The following METAP1D variants were observed in gnomAD, a reference collection of about 807,000 sequenced individuals.
METAP1D encodes the protein methionine aminopeptidase 1D, mitochondrial.
Under a neutral mutation model 40.5 loss-of-function variants are expected in METAP1D, and 31 were observed. The ratio of observed to expected loss-of-function variants is 0.77; its 90% CI spans 0.58 to 1.03. The LOEUF is 1.03. METAP1D is among the 50% of genes least tolerant of loss of function. The pLI is 0.00. For missense variants in METAP1D, 411 were observed against 420.7 expected, an observed-to-expected ratio of 0.98 and a Z score of 0.20; for synonymous variants, 151 against 146.4, an observed-to-expected ratio of 1.03 and a Z score of -0.22.
chr2:172,058,523 T>C (rs1318311356), intron 1 of METAP1D, among the ~76,000 whole-genome samples: 1 of 149,424 alleles, frequency 6.7e-6, no homozygotes, highest in Non-Finnish European at 1.5e-5. Flanking sequence ...CTTTACACAA[T>C]ACATACCTGC....
intron 1 of METAP1D, among the ~76,000 whole-genome samples, chr2:172,017,730 TATC>T (rs1688910512): frequency 6.6e-6 from 1 of 152,190 alleles, no homozygotes; most frequent in Non-Finnish European, 1.5e-5. Context: ...GCTGTCATCA[TATC>T]AGAGGTGATA....
intron 5 of METAP1D, among the ~76,000 whole-genome samples, chr2:172,067,590 T>G (rs780066732): frequency 4.7e-4 from 72 of 152,208 alleles, no homozygotes; most frequent in Non-Finnish European, 7.9e-4. Flanking sequence ...TATTTTGGAT[T>G]GTACCTGATT....
chr2:172,041,895 C>T (rs112892047), intron 1 of METAP1D, among the ~76,000 whole-genome samples: 68,157 of 113,292 alleles, frequency 0.6, 24,950 homozygotes, highest in African/African-American at 0.64. Flanking sequence ...CCGCCTCCCA[C>T]ATTCAAGCAA....
chr2:172,070,944 C>T lies in METAP1D; in HGVS notation c.578C>T (p.Thr193Ile), dbSNP rs764275249. Residue 193 changes from threonine to isoleucine, a missense_variant, in exon 6 of 10, where the codon ACA (threonine) becomes ATA (isoleucine). Thr to Ile is a moderately conservative substitution (Grantham distance 89). Transcript: ENST00000315796. Reference sequence around the variant, plus strand: ...GGCTACCATGGAGACACCTCTGAAACATTTTTGGTGGGCAATGTGGACGAA... The same window carrying T: ...GGCTACCATGGAGACACCTCTGAAATATTTTTGGTGGGCAATGTGGACGAA... The part of the protein sequence containing the change: ...YNGYHGDTSE[T>I]FLVGNVDECG... 2.8e-5 allele frequency: 45 copies of T among 1,612,424 alleles called. 3 individuals are homozygous for T. In the South Asian group the frequency reaches 4.2e-4, roughly 15 times the overall value.
At chr2:172,063,345 C>T (rs748421668) in intron 2 of METAP1D, among the ~76,000 whole-genome samples, 7 of 152,082 alleles carry the variant, frequency 4.6e-5, no homozygotes, top group Non-Finnish European at 7.4e-5. Flanking sequence ...TCTTAATTAA[C>T]CATTTGGTGA....
intron 1 of METAP1D, among the ~76,000 whole-genome samples, chr2:172,053,771 A>T (rs1246437599): frequency 6.6e-6 from 1 of 152,364 alleles, no homozygotes; most frequent in Non-Finnish European, 1.5e-5. Context: ...GTGCCAAGCT[A>T]CATTATTGTG....
intron 1 of METAP1D, among the ~76,000 whole-genome samples, chr2:172,022,306 T>C (rs1689027602): frequency 1.3e-5 from 2 of 152,198 alleles, no homozygotes; most frequent in South Asian, 4.1e-4. Context: ...GAGCTGCATC[T>C]CTGCTTGCCC....
At chr2:172,009,308 G>A (rs994444322) in intron 1 of METAP1D, among the ~76,000 whole-genome samples, 4 of 152,120 alleles carry the variant, frequency 2.6e-5, no homozygotes, top group African/African-American at 7.2e-5. Context: ...CTCCCAAAGT[G>A]CTGGGATTAC....
chr2:172,076,224 A>C (rs1690541511), intron 6 of METAP1D, among the ~76,000 whole-genome samples: 1 of 151,846 alleles, frequency 6.6e-6, no homozygotes, highest in Non-Finnish European at 1.5e-5. Context: ...TTAGAAGAGA[A>C]AATAGAATAG....
At chr2:172,055,290 A>G (rs756175328) in intron 1 of METAP1D, among the ~76,000 whole-genome samples, 4 of 152,222 alleles carry the variant, frequency 2.6e-5, no homozygotes, top group African/African-American at 7.2e-5. Flanking sequence ...GGTGGTAGCA[A>G]TTTGGAAATT....
intron 7 of METAP1D, among the ~76,000 whole-genome samples, chr2:172,078,726 A>G (rs1169457086): frequency 6.6e-6 from 1 of 152,188 alleles, no homozygotes; most frequent in African/African-American, 2.4e-5. Context: ...ACGGCTTGTC[A>G]GCCTTGTGCC....
chr2:172,004,064 C>T (rs1170760083), intron 1 of METAP1D, among the ~76,000 whole-genome samples: 3 of 152,160 alleles, frequency 2.0e-5, no homozygotes, highest in Non-Finnish European at 4.4e-5. Context: ...ACCACCGCAC[C>T]TGGCCATTTA....
rs1574094252 is a variant in METAP1D, at chr2:172,017,560, C to T, written c.40+17551C>T. Among the ~76,000 whole-genome samples the T allele has an allele frequency of 2.0e-5, 3 of 151,458 alleles. No individual in the cohort carries two copies. The East Asian group carries it at 5.8e-4, about 29-fold the overall frequency. ...GTAGATTTCTGACTAACAAAATTACCAGACATGAAGTATGAGGGCAAAAAA... is the reference window on the plus strand; with the variant it reads ...GTAGATTTCTGACTAACAAAATTACTAGACATGAAGTATGAGGGCAAAAAA... On this transcript the variant is annotated intron_variant, in intron 1 of 9. Coordinates refer to ENST00000315796, the MANE Select transcript of METAP1D (RefSeq NM_199227.3).
At chr2:172,061,105 TGAAAG>T (rs1690130866) in intron 1 of METAP1D, among the ~76,000 whole-genome samples, 1 of 152,190 alleles carries the variant, frequency 6.6e-6, no homozygotes, top group Non-Finnish European at 1.5e-5. Flanking sequence ...CCGTGATTCT[TGAAAG>T]GAAACGGCTT....
chr2:172,044,780 C>T (rs1574121371), intron 1 of METAP1D, among the ~76,000 whole-genome samples: 1 of 133,640 alleles, frequency 7.5e-6, no homozygotes, highest in Non-Finnish European at 1.7e-5. Context: ...GTGGCACATG[C>T]CTGTAATCCC....
chr2:172,069,400 G>A (rs1009266502), intron 5 of METAP1D, among the ~76,000 whole-genome samples: 1 of 152,002 alleles, frequency 6.6e-6, no homozygotes, highest in African/African-American at 2.4e-5. Context: ...TTTTGAAATA[G>A]TATTCTTGTA....
chr2:172,017,958 C>T (rs1220290106), intron 1 of METAP1D, among the ~76,000 whole-genome samples: 2 of 151,798 alleles, frequency 1.3e-5, no homozygotes, highest in East Asian at 1.9e-4. Flanking sequence ...GAAACCCCGT[C>T]TCTACTAAAA....
intron 1 of METAP1D, among the ~76,000 whole-genome samples, chr2:172,052,163 G>T (rs1219799812): frequency 1.3e-5 from 2 of 152,170 alleles, no homozygotes; most frequent in African/African-American, 4.8e-5. Context: ...AACTGGGCCT[G>T]CATCCTCTTT....
intron 1 of METAP1D, among the ~76,000 whole-genome samples, chr2:172,008,073 A>G (rs888742745): frequency 8.1e-6 from 1 of 123,824 alleles, no homozygotes; most frequent in African/African-American, 3.0e-5. Flanking sequence ...TGGTTAGCCT[A>G]TTGGTTCTGT....
Sources: gnomAD v4.1 joint callset for allele counts (sites outside exome capture counted in the v4.1 genomes callset) on GRCh38, gnomAD v4.1.1 for gene constraint, MANE v1.5 for transcripts, NCBI Gene and HGNC (gene_info 2026-07-23, HGNC 2026-07-21) for gene names.